Variants in PRKCQ observed in about 807,000 individuals in gnomAD.
PRKCQ encodes protein kinase C theta type.
Under a neutral mutation model 91.2 loss-of-function variants are expected in PRKCQ, and 41 were observed. The ratio of observed to expected loss-of-function variants is 0.45; its 90% CI spans 0.35 to 0.58. PRKCQ has a LOEUF of 0.58. Among genes scored for constraint, PRKCQ ranks in the 20% least tolerant of loss-of-function variants. The probability of loss-of-function intolerance (pLI) is 0.00; values close to 1 mark genes in which losing one functional copy is unlikely to be tolerated. For synonymous variants in PRKCQ, 307 were observed against 316.9 expected (o/e 0.97, Z 0.33); for missense variants, 673 against 896.5 (o/e 0.75, Z 3.18).
At chr10:6,402,727 T>G in the PRKCQ span, among the ~76,000 whole-genome samples, 1 of 152,284 alleles carries the variant, frequency 6.6e-6, no homozygotes, top group East Asian at 1.9e-4. Flanking sequence ...CTGGCTAACA[T>G]GGCAAAACCC....
chr10:6,484,031 A>G (rs1836766901), intron 10 of PRKCQ, among the ~76,000 whole-genome samples: 1 of 152,216 alleles, frequency 6.6e-6, no homozygotes, highest in Non-Finnish European at 1.5e-5. Flanking sequence ...AATTTCTACA[A>G]TTTACAGCGT....
the PRKCQ span, among the ~76,000 whole-genome samples, chr10:6,418,045 C>T: frequency 6.6e-6 from 1 of 152,204 alleles, no homozygotes; most frequent in South Asian, 2.1e-4. Context: ...TCTTATGAGC[C>T]TTCTCAGGCT....
chr10:6,404,254 GGGAGA>G, the PRKCQ span, among the ~76,000 whole-genome samples: 14 of 107,440 alleles, frequency 1.3e-4, no homozygotes, highest in East Asian at 8.7e-4. Context: ...AGAAGGGGGG[GGGAGA>G]GAGAGAGAGA....
At chr10:6,574,292 A>T (rs1841146707) in intron 1 of PRKCQ, among the ~76,000 whole-genome samples, 2 of 152,146 alleles carry the variant, frequency 1.3e-5, no homozygotes, top group Admixed American at 1.3e-4. Context: ...CGCTGGAGAG[A>T]ACCTGAATGG....
chr10:6,501,486 C>T (rs549284045), intron 4 of PRKCQ, among the ~76,000 whole-genome samples: 7 of 151,496 alleles, frequency 4.6e-5, no homozygotes, highest in Admixed American at 6.6e-5. Flanking sequence ...GAGGAGAAGG[C>T]GGGAGGAAGC....
chr10:6,403,664 C>T, the PRKCQ span, among the ~76,000 whole-genome samples: 38 of 152,220 alleles, frequency 2.5e-4, no homozygotes, highest in Middle Eastern at 3.4e-3. Context: ...TTTTAATCTA[C>T]GCACCTCTTA....
chr10:6,409,583 C>G, the PRKCQ span, among the ~76,000 whole-genome samples: 9 of 152,370 alleles, frequency 5.9e-5, no homozygotes, highest in South Asian at 1.9e-3. Flanking sequence ...GTGTGAGCCA[C>G]TGCGCCTGGC....
intron 7 of PRKCQ, among the ~76,000 whole-genome samples, chr10:6,496,216 C>CAAAAAAAAAAAAAAAAAA (rs199934718): frequency 1.1e-5 from 1 of 94,230 alleles, no homozygotes; most frequent in African/African-American, 5.5e-5. Flanking sequence ...GATTCCATCT[C>CAAAAAAAAAAAAAAAAAA]AAAAAAAAAA....
At chr10:6,525,777 G>T (rs1839176707) in intron 1 of PRKCQ, among the ~76,000 whole-genome samples, 1 of 152,108 alleles carries the variant, frequency 6.6e-6, no homozygotes. Flanking sequence ...CTTTGAGGGG[G>T]ATCTGCTGGA....
At chr10:6,536,965 C>T (rs184241613) in intron 1 of PRKCQ, among the ~76,000 whole-genome samples, 1 of 152,290 alleles carries the variant, frequency 6.6e-6, no homozygotes, top group East Asian at 1.9e-4. Flanking sequence ...CCTTCCCCAT[C>T]CCAGTTCTCG....
chr10:6,414,518 T>A, the PRKCQ span, among the ~76,000 whole-genome samples: 1 of 152,014 alleles, frequency 6.6e-6, no homozygotes, highest in Non-Finnish European at 1.5e-5. Flanking sequence ...GATAATAAAA[T>A]TAATAGACAA....
the PRKCQ span, among the ~76,000 whole-genome samples, chr10:6,402,433 C>T: frequency 6.6e-6 from 1 of 150,740 alleles, no homozygotes; most frequent in African/African-American, 2.4e-5. Context: ...TCCTCCCTCA[C>T]GCCTACCATG....
Position 6,428,087 on chromosome 10 carries a change from C to T in PRKCQ, c.*120G>A. 2.3e-6 allele frequency: 3 copies of T among 1,306,374 alleles called. No individual in the cohort carries two copies. The highest frequency in any genetic ancestry group is 3.2e-6 in the Non-Finnish European group (3 of 930,452). 80.9% of individuals were successfully genotyped at this position (1,306,374 alleles called of 1,614,324 possible). On this transcript the variant is annotated 3_prime_UTR_variant, in exon 18 of 18. Coordinates refer to ENST00000263125, the MANE Select transcript of PRKCQ (RefSeq NM_006257.5). ...AAGTCACATGGGGGCGAACGGGTCT[C>T]AGTCTTTATTGTTGAGTGTTTCTTT...
chr10:6,537,378 C>T (rs955796318), intron 1 of PRKCQ, among the ~76,000 whole-genome samples: 14 of 152,148 alleles, frequency 9.2e-5, no homozygotes, highest in Non-Finnish European at 1.3e-4. Context: ...CATCTTGTGA[C>T]ATATCCAAGT....
intron 1 of PRKCQ, among the ~76,000 whole-genome samples, chr10:6,539,373 C>T (rs975108458): frequency 1.5e-4 from 23 of 152,098 alleles, no homozygotes; most frequent in African/African-American, 5.3e-4. Context: ...CCGTTCCTGC[C>T]TGAGCCCCGC....
intron 1 of PRKCQ, among the ~76,000 whole-genome samples, chr10:6,549,951 A>G (rs1488405981): frequency 6.6e-6 from 1 of 151,850 alleles, no homozygotes; most frequent in South Asian, 2.1e-4. Context: ...CATCTTAATC[A>G]TTTTCAATGT....
At position 6,441,500 on chromosome 10, in the gene PRKCQ, C is replaced by T. The variant is rs151191031; in HGVS notation, c.1836+393G>A. Among the ~76,000 whole-genome samples, 625 of 151,794 alleles carry T rather than the reference C, an allele frequency of 4.1e-3. 6 individuals are homozygous for T. Among genetic ancestry groups the T allele is most frequent in the South Asian group, 0.018 (87 of 4,802 alleles). ...TTTATTGTTTTGGAGACAGGGGTCTCGATACATTGCCCAGGCTGACCTCAC... is the reference window on the plus strand; with the variant it reads ...TTTATTGTTTTGGAGACAGGGGTCTTGATACATTGCCCAGGCTGACCTCAC... On this transcript the variant is annotated intron_variant, in intron 16 of 17. Transcript: ENST00000263125.
the PRKCQ span, among the ~76,000 whole-genome samples, chr10:6,401,652 G>A: frequency 6.6e-6 from 1 of 152,050 alleles, no homozygotes; most frequent in African/African-American, 2.4e-5. Flanking sequence ...GCGGGGCCAG[G>A]GCACTCTGGT....
the PRKCQ span, among the ~76,000 whole-genome samples, chr10:6,413,292 AAGTT>A: frequency 6.8e-6 from 1 of 146,438 alleles, no homozygotes; most frequent in Non-Finnish European, 1.5e-5. Flanking sequence ...CACTCTAAAA[AAGTT>A]AGGCTTACTT....
Sources: gnomAD v4.1 joint callset for allele counts (sites outside exome capture counted in the v4.1 genomes callset) on GRCh38, gnomAD v4.1.1 for gene constraint, MANE v1.5 for transcripts, NCBI Gene and HGNC (gene_info 2026-07-23, HGNC 2026-07-21) for gene names.